The following FAF1 variants were observed in gnomAD, a reference collection of about 807,000 sequenced individuals.
The protein encoded by FAF1 is Fas associated factor 1, also known as FAS-associated factor 1.
In FAF1, 25 loss-of-function variants were observed where a neutral mutation model predicts 92.5. That is an observed-to-expected ratio of 0.27 (90% CI 0.20 to 0.38). The LOEUF is 0.38. FAF1 is among the 10% of genes least tolerant of loss of function. The pLI is 1.00. For synonymous variants in FAF1, 234 were observed against 273.2 expected, an observed-to-expected ratio of 0.86 and a Z score of 1.42; for missense variants, 636 against 793.3, an observed-to-expected ratio of 0.80 and a Z score of 2.38.
At position 50,936,279 on chromosome 1, in the gene FAF1, TATA is replaced by T. The variant is rs1457731484; in HGVS notation, c.45+23485_45+23487del. On this transcript the variant is annotated intron_variant, in intron 1 of 18. Transcript: ENST00000396153. ...GATATTTACAAAGTAATGTGATAGCTATAATGACAGATGGATATATAGGAATGA... is the reference window on the plus strand; with the variant it reads ...GATATTTACAAAGTAATGTGATAGCTATGACAGATGGATATATAGGAATGA... 3.3e-5 allele frequency among the ~76,000 whole-genome samples: 5 copies of T among 152,308 alleles called. 1 individual carries two copies. The South Asian group carries it at 8.3e-4, about 25-fold the overall frequency.
chr1:50,543,371 A>G (rs1317861944), intron 13 of FAF1, among the ~76,000 whole-genome samples: 1 of 152,138 alleles, frequency 6.6e-6, no homozygotes, highest in Non-Finnish European at 1.5e-5. Flanking sequence ...AGAATATTTG[A>G]TAAAAAATAG....
intron 1 of FAF1, among the ~76,000 whole-genome samples, chr1:50,939,007 C>T (rs2124751760): frequency 6.6e-6 from 1 of 152,242 alleles, no homozygotes; most frequent in South Asian, 2.1e-4. Flanking sequence ...TATAATGCCT[C>T]CCACTTTGTT....
chr1:50,673,997 C>G (rs1315360801), intron 7 of FAF1, among the ~76,000 whole-genome samples: 1 of 151,834 alleles, frequency 6.6e-6, no homozygotes, highest in Non-Finnish European at 1.5e-5. Flanking sequence ...GTCACCCAGG[C>G]TGGAGTGCAG....
intron 2 of FAF1, among the ~76,000 whole-genome samples, chr1:50,839,765 A>G (rs1644241090): frequency 6.6e-6 from 1 of 152,114 alleles, no homozygotes; most frequent in African/African-American, 2.4e-5. Flanking sequence ...AAACAAATAC[A>G]TTACAAATCA....
intron 14 of FAF1, among the ~76,000 whole-genome samples, chr1:50,536,923 T>C (rs1026457327): frequency 1.8e-4 from 27 of 152,160 alleles, no homozygotes; most frequent in Admixed American, 2.0e-4. Context: ...TCATTGGTAG[T>C]TAATATTAAT....
At chr1:50,457,724 C>CAAAAAAAAAAAAAAAAAAAAAAAA (rs35479561) in intron 18 of FAF1, among the ~76,000 whole-genome samples, 31 of 56,552 alleles carry the variant, frequency 5.5e-4, no homozygotes, top group African/African-American at 1.4e-3. Flanking sequence ...CCCATCTCTG[C>CAAAAAAAAAAAAAAAAAAAAAAAA]AAAAAAAAAA....
intron 18 of FAF1, among the ~76,000 whole-genome samples, chr1:50,458,454 G>GTATTAGCTATATT (rs1646383439): frequency 6.6e-6 from 1 of 151,976 alleles, no homozygotes; most frequent in South Asian, 2.1e-4. Flanking sequence ...CATACAATAG[G>GTATTAGCTATATT]CACAAAAAGA....
At chr1:50,705,373 C>T (rs1482612743) in intron 7 of FAF1, among the ~76,000 whole-genome samples, 3 of 152,134 alleles carry the variant, frequency 2.0e-5, no homozygotes, top group African/African-American at 7.2e-5. Flanking sequence ...AAGAAAAGTC[C>T]CCTCAAATTC....
At chr1:50,522,613 T>C (rs1647561528) in intron 15 of FAF1, among the ~76,000 whole-genome samples, 1 of 152,152 alleles carries the variant, frequency 6.6e-6, no homozygotes, top group Non-Finnish European at 1.5e-5. Context: ...GCCCAAATCC[T>C]TTCCACTCTA....
At chr1:50,664,391 T>A (rs542158201) in intron 7 of FAF1, among the ~76,000 whole-genome samples, 1 of 151,850 alleles carries the variant, frequency 6.6e-6, no homozygotes, top group East Asian at 1.9e-4. Flanking sequence ...TCACAATAAA[T>A]GACCTATTGG....
At chr1:50,483,580 A>C (rs1023394112) in intron 17 of FAF1, among the ~76,000 whole-genome samples, 1 of 152,180 alleles carries the variant, frequency 6.6e-6, no homozygotes, top group Admixed American at 6.5e-5. Flanking sequence ...AGCCACTGCA[A>C]GTTTTTGAAG....
chr1:50,490,087 C>T (rs549907995), intron 17 of FAF1, among the ~76,000 whole-genome samples: 11 of 152,240 alleles, frequency 7.2e-5, no homozygotes, highest in African/African-American at 1.2e-4. Context: ...CAGCTGGGTG[C>T]GGTGGCTCAC....
chr1:50,904,663 T>C (rs1379930417), intron 1 of FAF1, among the ~76,000 whole-genome samples: 6 of 152,194 alleles, frequency 3.9e-5, no homozygotes, highest in South Asian at 2.1e-4. Context: ...TGGATTTTAT[T>C]TGGGCATTTA....
At chr1:50,457,057 T>G (rs1646361068) in intron 18 of FAF1, among the ~76,000 whole-genome samples, 1 of 151,904 alleles carries the variant, frequency 6.6e-6, no homozygotes, top group Non-Finnish European at 1.5e-5. Flanking sequence ...AGAAAATAGG[T>G]TTTTTTCCCC....
At chr1:50,797,703 C>A (rs770189390) in intron 3 of FAF1, among the ~76,000 whole-genome samples, 8 of 151,998 alleles carry the variant, frequency 5.3e-5, no homozygotes, top group South Asian at 2.1e-4. Context: ...CAAACAACAA[C>A]AAAAAAAGAT....
chr1:50,547,944 G>A (rs766822524), intron 13 of FAF1, among the ~76,000 whole-genome samples: 1 of 152,102 alleles, frequency 6.6e-6, no homozygotes, highest in Non-Finnish European at 1.5e-5. Flanking sequence ...TAAAAATGGT[G>A]TTTACTTTTT....
intron 4 of FAF1, among the ~76,000 whole-genome samples, chr1:50,769,113 G>A (rs1284375643): frequency 1.3e-5 from 2 of 151,506 alleles, no homozygotes; most frequent in African/African-American, 4.8e-5. Context: ...TGACAAAGGG[G>A]ACATTACCAC....
At chr1:50,790,187 G>A (rs2124576547) in intron 3 of FAF1, among the ~76,000 whole-genome samples, 1 of 152,098 alleles carries the variant, frequency 6.6e-6, no homozygotes, top group East Asian at 1.9e-4. Context: ...TGTTGCCTGG[G>A]CTGGAGTGCA....
chr1:50,903,922 C>T (rs180823513), intron 1 of FAF1, among the ~76,000 whole-genome samples: 38 of 152,216 alleles, frequency 2.5e-4, no homozygotes, highest in African/African-American at 8.2e-4. Flanking sequence ...AAACAAGCTA[C>T]GTACATGAAA....
Sources: allele counts gnomAD v4.1 joint callset (sites outside exome capture counted in the v4.1 genomes callset), GRCh38; gene constraint gnomAD v4.1.1; transcripts MANE v1.5; gene names NCBI Gene and HGNC (gene_info 2026-07-23, HGNC 2026-07-21).